The following SEMA6D variants were observed in gnomAD, a reference collection of about 807,000 sequenced individuals.
SEMA6D encodes the protein semaphorin 6D, also known as semaphorin-6D.
SEMA6D carries 35 observed loss-of-function variants against 106.6 expected under a neutral mutation model. The observed-to-expected ratio is 0.33, with a 90% CI of 0.25 to 0.44. The LOEUF (loss-of-function observed/expected upper bound fraction) is 0.44. SEMA6D is among the 20% of genes least tolerant of loss of function. The probability of loss-of-function intolerance (pLI) is 1.00; values close to 1 mark genes in which losing one functional copy is unlikely to be tolerated. For synonymous variants in SEMA6D, 499 were observed against 487.7 expected, an observed-to-expected ratio of 1.02 and a Z score of -0.31; for missense variants, 1,185 against 1,345.9, an observed-to-expected ratio of 0.88 and a Z score of 1.87.
chr15:47,474,124 A>G (rs752028086), intron 3 of SEMA6D, among the ~76,000 whole-genome samples: 12 of 152,166 alleles, frequency 7.9e-5, no homozygotes, highest in Non-Finnish European at 1.2e-4. Context: ...CATGAAGCTG[A>G]ATAGAAGGCC....
chr15:47,297,829 G>A (rs1162825486), intron 1 of SEMA6D, among the ~76,000 whole-genome samples: 1 of 152,108 alleles, frequency 6.6e-6, no homozygotes. Flanking sequence ...AGGAGCCGGG[G>A]ATGGGGCAAT....
At chr15:47,670,557 T>C (rs2078117688) in intron 4 of SEMA6D, among the ~76,000 whole-genome samples, 2 of 152,218 alleles carry the variant, frequency 1.3e-5, no homozygotes, top group Non-Finnish European at 2.9e-5. Flanking sequence ...CCCAGCAGTG[T>C]AGACTCTCAA....
chr15:47,231,200 G>A (rs988567496), intron 1 of SEMA6D, among the ~76,000 whole-genome samples: 5 of 151,292 alleles, frequency 3.3e-5, no homozygotes, highest in African/African-American at 1.2e-4. Context: ...CGAGCTTAGC[G>A]GTTGAAATCC....
chr15:47,343,990 A>C (rs908045930), intron 1 of SEMA6D, among the ~76,000 whole-genome samples: 1 of 152,226 alleles, frequency 6.6e-6, no homozygotes, highest in East Asian at 1.9e-4. Flanking sequence ...AATGCACATC[A>C]TCACTGGCCA....
At chr15:47,277,619 A>ATTTATTTAT (rs1424976290) in intron 1 of SEMA6D, among the ~76,000 whole-genome samples, 5 of 123,642 alleles carry the variant, frequency 4.0e-5, no homozygotes, top group African/African-American at 1.6e-4. Flanking sequence ...ATTATTTATT[A>ATTTATTTAT]TTATTATTAT....
At chr15:47,415,851 T>C (rs1047457439) in intron 2 of SEMA6D, among the ~76,000 whole-genome samples, 6 of 152,260 alleles carry the variant, frequency 3.9e-5, no homozygotes, top group Middle Eastern at 3.4e-3. Context: ...TGTTGGAAAA[T>C]GTAACTTAAA....
At chr15:47,329,148 A>C (rs556133685) in intron 1 of SEMA6D, among the ~76,000 whole-genome samples, 7 of 152,268 alleles carry the variant, frequency 4.6e-5, no homozygotes, top group Non-Finnish European at 1.0e-4. Context: ...GTACTTATGG[A>C]GCTTGCCCAG....
intron 1 of SEMA6D, among the ~76,000 whole-genome samples, chr15:47,393,864 G>A (rs1215411537): frequency 6.6e-6 from 1 of 152,192 alleles, no homozygotes; most frequent in East Asian, 1.9e-4. Context: ...GAACATTTAT[G>A]TAAAGCTTTG....
At chr15:47,322,289 T>TG (rs977336443) in intron 1 of SEMA6D, among the ~76,000 whole-genome samples, 6 of 151,968 alleles carry the variant, frequency 3.9e-5, no homozygotes, top group African/African-American at 1.5e-4. Context: ...ATTTTTTTTT[T>TG]TTTTTGCCTA....
chr15:47,481,816 A>G (rs1033602731), intron 3 of SEMA6D, among the ~76,000 whole-genome samples: 1 of 152,194 alleles, frequency 6.6e-6, no homozygotes, highest in African/African-American at 2.4e-5. Context: ...TTTAAGATAC[A>G]GCTCTATATT....
chr15:47,500,500 T>C (rs1383869432), intron 3 of SEMA6D, among the ~76,000 whole-genome samples: 2 of 152,142 alleles, frequency 1.3e-5, no homozygotes, highest in African/African-American at 4.8e-5. Flanking sequence ...TATATAAATT[T>C]AATAAAAACA....
At chr15:47,569,213 AT>A (rs1243174345) in intron 3 of SEMA6D, among the ~76,000 whole-genome samples, 1 of 151,870 alleles carries the variant, frequency 6.6e-6, no homozygotes, top group African/African-American at 2.4e-5. Context: ...ACATGACTTC[AT>A]TTTTTTTCAA....
intron 4 of SEMA6D, among the ~76,000 whole-genome samples, chr15:47,696,941 A>G (rs1223592291): frequency 1.3e-5 from 2 of 152,196 alleles, no homozygotes; most frequent in African/African-American, 4.8e-5. Flanking sequence ...TATTATTGTC[A>G]TCATTCTTGC....
Position 47,764,296 on chromosome 15 carries a change from C to A in SEMA6D, c.1088C>A (p.Pro363Gln). Residue 363 changes from proline to glutamine, a missense_variant, in exon 11 of 19, where the codon CCA becomes CAA. Pro to Gln is a moderately conservative substitution (Grantham distance 76). Around this residue, in one of 3 missense-constraint regions of SEMA6D, gnomAD observed 291 missense variants for 423.8 expected, o/e 0.69. Transcript: ENST00000536845. Reference sequence around the variant, plus strand: ...ACAGCAGTTCCCGAAGACAAAGTGCCAAAGCCAAGGTAAATAAAAAAGTAG... The same window carrying A: ...ACAGCAGTTCCCGAAGACAAAGTGCAAAAGCCAAGGTAAATAAAAAAGTAG... ...VWTAVPEDKV[P>Q]KPRPGCCAKH... is the part of the protein sequence containing the mutation. 6.2e-7 allele frequency: 1 copy of A among 1,612,800 alleles called. No homozygotes were observed. Among genetic ancestry groups the A allele is most frequent in the South Asian group, 1.1e-5 (1 of 90,862 alleles).
At chr15:47,393,820 G>A (rs1210495041) in intron 1 of SEMA6D, among the ~76,000 whole-genome samples, 1 of 152,136 alleles carries the variant, frequency 6.6e-6, no homozygotes, top group African/African-American at 2.4e-5. Flanking sequence ...TAACAATGTT[G>A]TCATTGTTAT....
chr15:47,322,071 A>T (rs1453767870), intron 1 of SEMA6D, among the ~76,000 whole-genome samples: 1 of 152,114 alleles, frequency 6.6e-6, no homozygotes, highest in African/African-American at 2.4e-5. Flanking sequence ...ATTGAATAAG[A>T]CTCCAACCCA....
chr15:47,534,971 A>G (rs984762520), intron 3 of SEMA6D, among the ~76,000 whole-genome samples: 8 of 151,876 alleles, frequency 5.3e-5, no homozygotes, highest in African/African-American at 1.9e-4. Context: ...AAAACTAGAA[A>G]TAGACATAAT....
intron 2 of SEMA6D, among the ~76,000 whole-genome samples, chr15:47,425,769 C>CAAGCGAGGTA (rs1193350861): frequency 1.3e-5 from 2 of 151,254 alleles, no homozygotes; most frequent in Non-Finnish European, 2.9e-5. Context: ...CTCCCAGGTT[C>CAAGCGAGGTA]AAGCGAGGTA....
intron 4 of SEMA6D, among the ~76,000 whole-genome samples, chr15:47,710,738 T>C (rs1028345103): frequency 6.6e-6 from 1 of 152,236 alleles, no homozygotes; most frequent in Non-Finnish European, 1.5e-5. Flanking sequence ...CTGGACCTTT[T>C]TGGATTTTCC....
Sources: gnomAD v4.1 joint callset for allele counts (sites outside exome capture counted in the v4.1 genomes callset) on GRCh38, gnomAD v4.1.1 for gene constraint, gnomAD v4.1.1 regional missense constraint, MANE v1.5 for transcripts, NCBI Gene and HGNC (gene_info 2026-07-23, HGNC 2026-07-21) for gene names.